Variants in DOCK3 observed in about 807,000 individuals in gnomAD.
DOCK3 encodes the protein dedicator of cytokinesis 3, also known as dedicator of cytokinesis protein 3.
DOCK3 carries 60 observed loss-of-function variants against 265.6 expected under a neutral mutation model. The observed-to-expected ratio is 0.23, with a 90% CI of 0.18 to 0.28. The LOEUF (loss-of-function observed/expected upper bound fraction) is 0.28, where lower values mean the gene tolerates loss of function less well. Among genes scored for constraint, DOCK3 ranks in the 10% least tolerant of loss-of-function variants. The probability of loss-of-function intolerance (pLI) is 1.00; values close to 1 mark genes in which losing one functional copy is unlikely to be tolerated. For synonymous variants in DOCK3, 881 were observed against 938.0 expected, an observed-to-expected ratio of 0.94 and a Z score of 1.11; for missense variants, 1,981 against 2,594.3, an observed-to-expected ratio of 0.76 and a Z score of 5.14.
At chr3:50,707,300 G>T (rs1269999078) in intron 1 of DOCK3, among the ~76,000 whole-genome samples, 1 of 151,958 alleles carries the variant, frequency 6.6e-6, no homozygotes, top group Non-Finnish European at 1.5e-5. Flanking sequence ...AGCCAGATGT[G>T]GTAGGGCATG....
chr3:50,786,943 A>T, intron 2 of DOCK3: 1 of 740,262 alleles, frequency 1.4e-6, no homozygotes. Context: ...CACAGGTTTC[A>T]CATGTAAATG....
intron 1 of DOCK3, among the ~76,000 whole-genome samples, chr3:50,746,405 C>T (rs769976798): frequency 3.3e-5 from 5 of 152,104 alleles, no homozygotes; most frequent in East Asian, 1.9e-4. Flanking sequence ...CCATGCCCAG[C>T]GGATGATATC....
intron 1 of DOCK3, among the ~76,000 whole-genome samples, chr3:50,748,384 A>C (rs1197419797): frequency 1.3e-5 from 2 of 152,180 alleles, no homozygotes; most frequent in African/African-American, 4.8e-5. Flanking sequence ...CCCACAGTGA[A>C]TATAAGTAAA....
intron 27 of DOCK3, among the ~76,000 whole-genome samples, chr3:51,300,242 C>T (rs1309432501): frequency 2.0e-5 from 3 of 152,048 alleles, no homozygotes; most frequent in South Asian, 2.1e-4. Context: ...GTGATTTTTG[C>T]GCATTGATTT....
intron 1 of DOCK3, among the ~76,000 whole-genome samples, chr3:50,698,517 G>GTTTTTTTTTTTGTTTTTTTTTTTTTT (rs2035796568): frequency 5.1e-5 from 1 of 19,506 alleles, no homozygotes; most frequent in Non-Finnish European, 1.2e-4. Context: ...TATGTTTTTG[G>GTTTTTTTTTTTGTTTTTTTTTTTTTT]TTTTTTTTTT....
chr3:51,251,971 C>T (rs532261047), intron 22 of DOCK3, among the ~76,000 whole-genome samples: 17 of 152,166 alleles, frequency 1.1e-4, no homozygotes, highest in Non-Finnish European at 2.5e-4. Flanking sequence ...CCTAGGTTTT[C>T]TTCTAGGGTT....
chr3:51,028,515 T>C (rs1443541907), intron 5 of DOCK3, among the ~76,000 whole-genome samples: 1 of 152,232 alleles, frequency 6.6e-6, no homozygotes, highest in Non-Finnish European at 1.5e-5. Context: ...AAATACGTTT[T>C]CTAAATTGCT....
chr3:50,767,843 T>G (rs2040999624), intron 1 of DOCK3, among the ~76,000 whole-genome samples: 2 of 152,166 alleles, frequency 1.3e-5, no homozygotes, highest in South Asian at 4.1e-4. Context: ...ACATCCCTTG[T>G]AAGTTGTATT....
chr3:51,165,139 A>G (rs780460011), intron 12 of DOCK3, among the ~76,000 whole-genome samples: 4 of 152,020 alleles, frequency 2.6e-5, no homozygotes, highest in East Asian at 1.9e-4. Context: ...GGGTTTCACC[A>G]TGTTGGCTAG....
chr3:50,710,488 A>G (rs1041848755), intron 1 of DOCK3, among the ~76,000 whole-genome samples: 5 of 152,226 alleles, frequency 3.3e-5, no homozygotes, highest in Non-Finnish European at 2.9e-5. Flanking sequence ...AAGAATGGCC[A>G]TAATTAAAAA....
intron 5 of DOCK3, among the ~76,000 whole-genome samples, chr3:51,042,336 A>C (rs1363982113): frequency 6.6e-6 from 1 of 152,234 alleles, no homozygotes; most frequent in Non-Finnish European, 1.5e-5. Context: ...CAAAGACCAC[A>C]TAATTATCTC....
chr3:50,811,633 A>G (rs1343507375), intron 2 of DOCK3, among the ~76,000 whole-genome samples: 1 of 152,200 alleles, frequency 6.6e-6, no homozygotes, highest in Non-Finnish European at 1.5e-5. Flanking sequence ...TGCATATCCT[A>G]TGACCTAGCC....
intron 7 of DOCK3, among the ~76,000 whole-genome samples, chr3:51,084,141 G>C (rs990546462): frequency 6.6e-6 from 1 of 151,996 alleles, no homozygotes; most frequent in Non-Finnish European, 1.5e-5. Flanking sequence ...ACAAGGAGAA[G>C]GCATGGGCAA....
intron 14 of DOCK3, among the ~76,000 whole-genome samples, chr3:51,216,131 T>C (rs945307483): frequency 6.6e-6 from 1 of 152,228 alleles, no homozygotes; most frequent in African/African-American, 2.4e-5. Flanking sequence ...TTGAGAACTT[T>C]TCTGAGATTT....
intron 22 of DOCK3, among the ~76,000 whole-genome samples, chr3:51,247,317 C>A (rs1184255820): frequency 6.6e-6 from 1 of 152,184 alleles, no homozygotes; most frequent in East Asian, 1.9e-4. Context: ...TGGTCGTGAC[C>A]ATTGTCAGCA....
intron 1 of DOCK3, among the ~76,000 whole-genome samples, chr3:50,724,495 G>T (rs1239455044): frequency 1.3e-5 from 2 of 152,166 alleles, no homozygotes; most frequent in Non-Finnish European, 2.9e-5. Flanking sequence ...TATACACCAT[G>T]CAATACTATG....
intron 9 of DOCK3, among the ~76,000 whole-genome samples, chr3:51,117,364 C>A (rs907428983): frequency 6.6e-6 from 1 of 152,014 alleles, no homozygotes; most frequent in Non-Finnish European, 1.5e-5. Context: ...AATTGGGCTT[C>A]CTAGTATTTT....
At chr3:50,850,678 A>C (rs1396634413) in intron 3 of DOCK3, among the ~76,000 whole-genome samples, 1 of 151,724 alleles carries the variant, frequency 6.6e-6, no homozygotes, top group Non-Finnish European at 1.5e-5. Context: ...TTTCCCTATG[A>C]TATTGTTTTG....
At chr3:51,016,565 A>ATATATGATATATAT (rs1559944270) in intron 5 of DOCK3, among the ~76,000 whole-genome samples, 3 of 83,118 alleles carry the variant, frequency 3.6e-5, no homozygotes, top group Non-Finnish European at 6.2e-5. Flanking sequence ...ATCATATATT[A>ATATATGATATATAT]TATATATATT....
Sources: gnomAD v4.1 joint callset for allele counts (sites outside exome capture counted in the v4.1 genomes callset) on GRCh38, gnomAD v4.1.1 for gene constraint, MANE v1.5 for transcripts, NCBI Gene and HGNC (gene_info 2026-07-23, HGNC 2026-07-21) for gene names.